ARHGAP15: variants seen among roughly 807,000 people sequenced by gnomAD.
The protein encoded by ARHGAP15 is Rho GTPase activating protein 15.
A neutral mutation model predicts 63.7 loss-of-function variants in ARHGAP15; 51 were observed. The ratio of observed to expected loss-of-function variants is 0.80; its 90% CI spans 0.64 to 1.01. ARHGAP15 has a LOEUF of 1.01. ARHGAP15 is among the 50% of genes least tolerant of loss of function. The pLI is 0.00. For missense variants in ARHGAP15, 560 were observed against 564.6 expected (o/e 0.99, Z 0.08); for synonymous variants, 191 against 193.8 (o/e 0.99, Z 0.12).
At chr2:143,318,834 C>A (rs980365119) in intron 6 of ARHGAP15, among the ~76,000 whole-genome samples, 4 of 152,098 alleles carry the variant, frequency 2.6e-5, no homozygotes, top group Non-Finnish European at 5.9e-5. Flanking sequence ...AACATTAATG[C>A]TCAATAACTG....
chr2:143,718,647 C>T (rs1312766912), intron 13 of ARHGAP15, among the ~76,000 whole-genome samples: 6 of 152,114 alleles, frequency 3.9e-5, no homozygotes, highest in Non-Finnish European at 8.8e-5. Context: ...AAACTGTTTC[C>T]TCATACATTT....
chr2:143,546,708 C>A (rs961155367), intron 10 of ARHGAP15, among the ~76,000 whole-genome samples: 3 of 151,992 alleles, frequency 2.0e-5, no homozygotes, highest in Admixed American at 2.0e-4. Flanking sequence ...GCAAGTCATA[C>A]TACCAAATGA....
intron 11 of ARHGAP15, among the ~76,000 whole-genome samples, chr2:143,615,004 T>C (rs1229134129): frequency 1.3e-5 from 2 of 152,228 alleles, no homozygotes; most frequent in African/African-American, 4.8e-5. Flanking sequence ...CCTTACTTTA[T>C]GCAAGTAGTT....
intron 6 of ARHGAP15, among the ~76,000 whole-genome samples, chr2:143,424,444 A>G (rs1446390769): frequency 6.6e-6 from 1 of 152,114 alleles, no homozygotes; most frequent in Non-Finnish European, 1.5e-5. Context: ...GAGAAGAATC[A>G]TGTCTTACAG....
intron 11 of ARHGAP15, among the ~76,000 whole-genome samples, chr2:143,557,119 G>A (rs116037355): frequency 0.014 from 2,129 of 152,096 alleles, 38 homozygotes; most frequent in African/African-American, 0.049. Flanking sequence ...TATTTTTATT[G>A]TATGATCCAG....
chr2:143,652,870 A>G (rs1226948768), intron 12 of ARHGAP15, among the ~76,000 whole-genome samples: 1 of 152,046 alleles, frequency 6.6e-6, no homozygotes, highest in East Asian at 1.9e-4. Context: ...AGACAATAAT[A>G]TTTTTTGGCT....
At chr2:143,360,633 A>G (rs1686007951) in intron 6 of ARHGAP15, among the ~76,000 whole-genome samples, 1 of 152,224 alleles carries the variant, frequency 6.6e-6, no homozygotes, top group Non-Finnish European at 1.5e-5. Context: ...TAAGAAATAT[A>G]AGAAGTATTT....
intron 4 of ARHGAP15, among the ~76,000 whole-genome samples, chr2:143,224,969 TCA>T (rs1693147157): frequency 6.6e-6 from 1 of 152,200 alleles, no homozygotes; most frequent in Admixed American, 6.5e-5. Context: ...CCGCATGTTC[TCA>T]CTCATAAGTG....
intron 2 of ARHGAP15, chr2:143,193,552 G>A (rs1284432190): frequency 2.6e-5 from 4 of 152,592 alleles, no homozygotes; most frequent in Admixed American, 2.6e-4. Flanking sequence ...GAAACTGGGA[G>A]GATACAATTA....
intron 9 of ARHGAP15, among the ~76,000 whole-genome samples, chr2:143,504,750 C>T (rs554449707): frequency 1.3e-5 from 2 of 152,164 alleles, no homozygotes; most frequent in Non-Finnish European, 2.9e-5. Context: ...CCTTACTACC[C>T]ACAAGCTGCC....
At chr2:143,317,208 C>A (rs1177140362) in intron 6 of ARHGAP15, among the ~76,000 whole-genome samples, 1 of 151,948 alleles carries the variant, frequency 6.6e-6, no homozygotes, top group Non-Finnish European at 1.5e-5. Context: ...TCCCCCAGTG[C>A]CTATAAGAGT....
At position 143,155,637 on chromosome 2, in the gene ARHGAP15, C is replaced by T. The variant is rs752676733; in HGVS notation, c.147C>T (p.Val49=). 5.1e-6 allele frequency: 8 copies of T among 1,572,788 alleles called. No homozygotes were observed. The highest frequency in any genetic ancestry group is 2.3e-5 in the East Asian group (1 of 42,944). ...GTAAATCCATGATCCTCACCGATGT[C>T]GGGAAGGTCACTGAACCTGTAAGTC... ...SQSKSMILTD[V]GKVTEPISRH... Residue 49 remains valine, a synonymous_variant, in exon 2 of 14, where the codon GTC becomes GTT. Transcript: ENST00000295095.
At chr2:143,486,407 C>CAAAAAAA (rs1171007304) in intron 8 of ARHGAP15, among the ~76,000 whole-genome samples, 1 of 87,560 alleles carries the variant, frequency 1.1e-5, no homozygotes, top group African/African-American at 4.2e-5. Context: ...CCCATTTCTA[C>CAAAAAAA]CAAAAAAAAA....
At chr2:143,203,854 T>C (rs909632240) in intron 3 of ARHGAP15, among the ~76,000 whole-genome samples, 4 of 152,108 alleles carry the variant, frequency 2.6e-5, no homozygotes, top group Non-Finnish European at 4.4e-5. Flanking sequence ...TAAATTTCTA[T>C]TTCCAGCATG....
chr2:143,632,196 T>G (rs1195281177), intron 12 of ARHGAP15, among the ~76,000 whole-genome samples: 1 of 152,076 alleles, frequency 6.6e-6, no homozygotes, highest in Non-Finnish European at 1.5e-5. Context: ...TCCTGGGCAA[T>G]GTTCCATACA....
intron 6 of ARHGAP15, among the ~76,000 whole-genome samples, chr2:143,261,285 A>G (rs1337120667): frequency 6.6e-6 from 1 of 150,568 alleles, no homozygotes; most frequent in Non-Finnish European, 1.5e-5. Context: ...TGTTTATGCT[A>G]AATTTTATGA....
rs991958965 is a variant in ARHGAP15, at chr2:143,250,447, ATT to A, written c.385-62_385-61del. 14 of 1,289,428 alleles carry A rather than the reference ATT, an allele frequency of 1.1e-5. No homozygotes were observed. The African/African-American group carries it at 2.1e-4, about 19-fold the overall frequency. 79.9% of individuals were successfully genotyped at this position (1,289,428 alleles called of 1,614,324 possible). A position where few individuals can be genotyped will look rare whatever the true frequency, so the allele number is the denominator to read the frequency against. ...ATAGCTGCTAACTCAATAAACTCCT[ATT>A]TCTCTGACATCTATCTACAGTGTTG... On this transcript the variant is annotated intron_variant, in intron 5 of 13. Coordinates refer to ENST00000295095, the MANE Select transcript of ARHGAP15 (RefSeq NM_018460.4).
intron 11 of ARHGAP15, among the ~76,000 whole-genome samples, chr2:143,559,628 G>A (rs1411451165): frequency 6.6e-6 from 1 of 152,194 alleles, no homozygotes; most frequent in African/African-American, 2.4e-5. Context: ...TTTCTGGACT[G>A]GCCCCACAAC....
intron 6 of ARHGAP15, among the ~76,000 whole-genome samples, chr2:143,296,407 T>A (rs1305962102): frequency 6.6e-6 from 1 of 152,044 alleles, no homozygotes; most frequent in African/African-American, 2.4e-5. Context: ...TGCTAGGTGA[T>A]GTAGAAGGTG....
Sources: gnomAD v4.1 joint callset for allele counts (sites outside exome capture counted in the v4.1 genomes callset) on GRCh38, gnomAD v4.1.1 for gene constraint, MANE v1.5 for transcripts, NCBI Gene and HGNC (gene_info 2026-07-23, HGNC 2026-07-21) for gene names.